UGT3A2: variants seen among roughly 807,000 people sequenced by gnomAD.
UGT3A2 encodes the protein UDP glycosyltransferase family 3 member A2, also known as UDP-glycosyltransferase 3A2.
In UGT3A2, 32 loss-of-function variants were observed where a neutral mutation model predicts 39.8. The ratio of observed to expected loss-of-function variants is 0.80; its 90% CI spans 0.61 to 1.08. The LOEUF is 1.08. Ranked by LOEUF, UGT3A2 falls within the 50% of genes least tolerant of loss-of-function variation. The pLI is 0.00. For missense variants in UGT3A2, 611 were observed against 637.1 expected, an observed-to-expected ratio of 0.96 and a Z score of 0.44; for synonymous variants, 241 against 230.7, an observed-to-expected ratio of 1.04 and a Z score of -0.40.
At chr5:36,038,120 G>A in intron 5 of UGT3A2, 104 bp from the exon 6 acceptor site, 1 of 1,180,738 alleles carries the variant, frequency 8.5e-7, no homozygotes, top group Non-Finnish European at 1.2e-6. Flanking sequence ...CTAGTGGTGT[G>A]TTGGAGACAT....
Position 36,066,798 on chromosome 5 carries a change from C to G in UGT3A2, c.-9G>C, listed in dbSNP as rs202107791. Reference sequence around the variant, plus strand: ...ACTCGCTGCCCAGCCATGCTCACTTCTACGGAAGCCGCGGATCTCAGCCTG... The same window carrying G: ...ACTCGCTGCCCAGCCATGCTCACTTGTACGGAAGCCGCGGATCTCAGCCTG... On this transcript the variant is annotated 5_prime_UTR_variant, in exon 1 of 7. Coordinates refer to ENST00000282507, the MANE Select transcript of UGT3A2 (RefSeq NM_174914.4). 4.3e-6 allele frequency: 7 copies of G among 1,614,170 alleles called. No homozygotes were observed. The East Asian group carries it at 8.9e-5, about 21-fold the overall frequency.
At chr5:36,066,291 A>G (rs1742875627) in intron 1 of UGT3A2, among the ~76,000 whole-genome samples, 1 of 152,072 alleles carries the variant, frequency 6.6e-6, no homozygotes, top group African/African-American at 2.4e-5. Flanking sequence ...AACGCTCACC[A>G]CTGTTTCTAC....
At position 36,035,822 on chromosome 5, in the gene UGT3A2, T is replaced by C; in HGVS notation, c.1448A>G (p.Gln483Arg). 7 of 1,614,208 alleles carry C rather than the reference T, an allele frequency of 4.3e-6. No individual in the cohort carries two copies. Among genetic ancestry groups the C allele is most frequent in the Non-Finnish European group, 5.9e-6 (7 of 1,180,050 alleles). Residue 483 changes from glutamine to arginine, a missense_variant, in exon 7 of 7, where the codon CAG becomes CGG. Gln to Arg is a conservative substitution (Grantham distance 43). Transcript: ENST00000282507. ...AAACACAAAAACGTCGAGCAGGTAC[T>C]GCTCATGCCAGGGCTGCTGAAAGAC... is the stretch of plus-strand genomic sequence containing the variant. Reference protein sequence around the residue: ...PYVFQQPWHEQYLLDVFVFLL... With the variant: ...PYVFQQPWHERYLLDVFVFLL...
chr5:36,036,370 T>C (rs1741831370), intron 6 of UGT3A2, among the ~76,000 whole-genome samples: 1 of 152,162 alleles, frequency 6.6e-6, no homozygotes, highest in Non-Finnish European at 1.5e-5. Context: ...TCCTGCACCA[T>C]CAGAACATGA....
rs144519935 is a variant in UGT3A2 at position 36,038,272 on chromosome 5, G to A, written c.1076-256C>T. Among the ~76,000 whole-genome samples, 486 of 152,306 alleles carry A rather than the reference G, an allele frequency of 3.2e-3. 3 individuals carry two copies. The highest frequency in any genetic ancestry group is 4.5e-3 in the Non-Finnish European group (305 of 68,034). ...AGAATTGAGTGAATTCTGTAGAGAA[G>A]AGTGCTAAGCAAGGCATACATCTCT... is the stretch of plus-strand genomic sequence containing the variant. On this transcript the variant is annotated intron_variant, in intron 5 of 6. Coordinates refer to ENST00000282507, the MANE Select transcript of UGT3A2 (RefSeq NM_174914.4).
intron 4 of UGT3A2, among the ~76,000 whole-genome samples, chr5:36,047,981 C>T (rs1346320969): frequency 6.6e-6 from 1 of 152,122 alleles, no homozygotes; most frequent in Non-Finnish European, 1.5e-5. Flanking sequence ...CCCATATCAC[C>T]CATAGGTCTT....
At chr5:36,040,121 T>C (rs1488316396) in intron 4 of UGT3A2, among the ~76,000 whole-genome samples, 1 of 151,974 alleles carries the variant, frequency 6.6e-6, no homozygotes, top group Non-Finnish European at 1.5e-5. Flanking sequence ...GGTGGCAGCA[T>C]AGGGTAAGGC....
At chr5:36,049,492 T>C (rs1381100417) in intron 3 of UGT3A2, 72 bp from the exon 4 acceptor site, 5 of 1,227,676 alleles carry the variant, frequency 4.1e-6, no homozygotes, top group Admixed American at 2.7e-5. Flanking sequence ...TATCTTGAGA[T>C]ACAAAGAAAA....
chr5:36,045,839 C>A (rs556042778), intron 4 of UGT3A2, among the ~76,000 whole-genome samples: 3 of 152,028 alleles, frequency 2.0e-5, no homozygotes, highest in African/African-American at 7.2e-5. Flanking sequence ...GAAGAGATAA[C>A]CCACGGAATG....
intron 2 of UGT3A2, among the ~76,000 whole-genome samples, chr5:36,062,744 T>G (rs1255198552): frequency 2.6e-5 from 4 of 152,138 alleles, no homozygotes; most frequent in Non-Finnish European, 5.9e-5. Context: ...AAATGTAGAT[T>G]AAAAAATGGT....
chr5:36,051,495 T>C (rs930584249), intron 3 of UGT3A2, among the ~76,000 whole-genome samples: 2 of 152,144 alleles, frequency 1.3e-5, no homozygotes, highest in Non-Finnish European at 2.9e-5. Flanking sequence ...CAGTGAAAAG[T>C]TGAGGAGCCT....
Position 36,035,844 on chromosome 5 carries a change from A to C in UGT3A2, c.1426T>G (p.Phe476Val), listed in dbSNP as rs1278215866. The C allele has an allele frequency of 1.9e-6, 3 of 1,614,102 alleles. No individual in the cohort carries two copies. The highest frequency in any genetic ancestry group is 2.5e-6 in the Non-Finnish European group (3 of 1,180,054). The part of the protein sequence containing the change: ...GGATHLKPYV[F>V]QQPWHEQYLL... Reference sequence around the variant, plus strand: ...TACTGCTCATGCCAGGGCTGCTGAAAGACATAGGGCTTGAGGTGCGTCGCG... The same window carrying C: ...TACTGCTCATGCCAGGGCTGCTGAACGACATAGGGCTTGAGGTGCGTCGCG... Residue 476 changes from phenylalanine (F) to valine (V), a missense_variant, in exon 7 of 7, where the codon TTT becomes GTT. Phe to Val is a conservative substitution (Grantham distance 50). Transcript: ENST00000282507.
Position 36,064,363 on chromosome 5 carries a change from C to A in UGT3A2, c.95-13G>T, listed in dbSNP as rs770416450. ...TAATGGCTTCCACCTAGGAACAATG[C>A]ACAACTTCAGTTCTGGAATGATGAG... On this transcript the variant is annotated splice_polypyrimidine_tract_variant and intron_variant, in intron 1 of 6. Coordinates refer to ENST00000282507, the MANE Select transcript of UGT3A2 (RefSeq NM_174914.4). The A allele has an allele frequency of 6.2e-7, 1 of 1,606,102 alleles. No individual in the cohort carries two copies. Among genetic ancestry groups the A allele is most frequent in the Non-Finnish European group, 8.5e-7 (1 of 1,172,836 alleles).
intron 4 of UGT3A2, among the ~76,000 whole-genome samples, chr5:36,042,987 T>A (rs1345020775): frequency 1.3e-5 from 2 of 151,818 alleles, no homozygotes; most frequent in African/African-American, 4.8e-5. Context: ...AGACAGAAAA[T>A]CAACAAAGAA....
intron 4 of UGT3A2, among the ~76,000 whole-genome samples, chr5:36,045,648 T>G (rs1742146309): frequency 6.6e-6 from 1 of 150,514 alleles, no homozygotes; most frequent in Non-Finnish European, 1.5e-5. Context: ...AGAAAAAGAC[T>G]GAAATCTAAG....
intron 4 of UGT3A2, among the ~76,000 whole-genome samples, chr5:36,042,113 A>T: frequency 6.6e-6 from 1 of 152,046 alleles, no homozygotes; most frequent in Non-Finnish European, 1.5e-5. Flanking sequence ...TGCATTTGAC[A>T]TAACGAAGAA....
chr5:36,063,543 C>T (rs778989233), intron 2 of UGT3A2, among the ~76,000 whole-genome samples: 3 of 152,060 alleles, frequency 2.0e-5, no homozygotes, highest in Non-Finnish European at 2.9e-5. Context: ...ACTTAAATTC[C>T]GATATCATAA....
chr5:36,039,690 C>G lies in UGT3A2; in HGVS notation c.862G>C (p.Ala288Pro). Residue 288 changes from alanine to proline, a missense_variant, in exon 5 of 7, where the codon GCC (alanine) becomes CCC (proline). Ala to Pro is a conservative substitution (Grantham distance 27). Coordinates refer to ENST00000282507, the MANE Select transcript of UGT3A2 (RefSeq NM_174914.4). ...ACAAAACCAGAGTCCCCAAACTTGGCAATGAAGTTCTCCAAGTCCTGGAGA... is the reference window on the plus strand; with the variant it reads ...ACAAAACCAGAGTCCCCAAACTTGGGAATGAAGTTCTCCAAGTCCTGGAGA... ...PVPQDLENFI[A>P]KFGDSGFVLV... 1 of 1,614,116 alleles carries G rather than the reference C, an allele frequency of 6.2e-7. No individual in the cohort carries two copies. Among genetic ancestry groups the G allele is most frequent in the African/African-American group, 1.3e-5 (1 of 75,024 alleles).
At chr5:36,052,842 T>A (rs1742391666) in intron 2 of UGT3A2, among the ~76,000 whole-genome samples, 1 of 152,206 alleles carries the variant, frequency 6.6e-6, no homozygotes, top group Non-Finnish European at 1.5e-5. Flanking sequence ...GTGTAAGGAT[T>A]GGGGGTATGT....
Sources: gnomAD v4.1 joint callset for allele counts (sites outside exome capture counted in the v4.1 genomes callset) on GRCh38, gnomAD v4.1.1 for gene constraint, MANE v1.5 for transcripts, NCBI Gene and HGNC (gene_info 2026-07-23, HGNC 2026-07-21) for gene names.